GABRB3: variants seen among roughly 807,000 people sequenced by gnomAD.
The protein encoded by GABRB3 is gamma-aminobutyric acid receptor subunit beta-3.
GABRB3 carries 14 observed loss-of-function variants against 52.1 expected under a neutral mutation model. The observed-to-expected ratio is 0.27, with a 90% confidence interval of 0.18 to 0.42. The LOEUF (loss-of-function observed/expected upper bound fraction) is 0.42, where lower values mean the gene tolerates loss of function less well. GABRB3 is among the 10% of genes least tolerant of loss of function. The probability of loss-of-function intolerance (pLI) is 1.00; values close to 1 mark genes in which losing one functional copy is unlikely to be tolerated. For missense variants in GABRB3, 307 were observed against 609.1 expected (o/e 0.50, Z 5.22); for synonymous variants, 260 against 232.3 (o/e 1.12, Z -1.08).
rs529182611 is a variant in GABRB3, at chr15:26,669,037, G to A, written c.241-47503C>T. 6.6e-4 allele frequency among the ~76,000 whole-genome samples: 101 copies of A among 152,256 alleles called. 2 individuals carry two copies. The highest frequency in any genetic ancestry group is 6.0e-4 in the Non-Finnish European group (41 of 68,010). On this transcript the variant is annotated intron_variant, in intron 3 of 8. Coordinates refer to ENST00000311550, the MANE Select transcript of GABRB3 (RefSeq NM_000814.6). ...CCGTGATGGCAGCTGGAAAGTCCTG[G>A]TGTCAAACTATCTGATTCCCCAGAG...
upstream of GABRB3, chr15:26,773,645 C>G: frequency 6.4e-7 from 1 of 1,561,618 alleles, no homozygotes. Context: ...CCCGCCTCAC[C>G]TGCGGGGCTC....
chr15:26,642,452 T>C lies in GABRB3; in HGVS notation c.241-20918A>G, dbSNP rs1344078160. 2.4e-5 allele frequency: 31 copies of C among 1,287,282 alleles called. No homozygotes were observed. In the Admixed American group the frequency reaches 3.7e-4, roughly 15 times the overall value. The allele number at this position is 1,287,282 out of a possible 1,614,324, so 79.7% of individuals were successfully genotyped here. On this transcript the variant is annotated intron_variant, in intron 3 of 8. Coordinates refer to ENST00000311550, the MANE Select transcript of GABRB3 (RefSeq NM_000814.6). ...ACATACATTTTCAATTCCAAACTCC[T>C]GGAAAGGAAAAAATGAATCTATAAG... is the stretch of plus-strand genomic sequence containing the variant.
rs575867817 is a variant in GABRB3, at chr15:26,730,072, C to A, written c.240+42330G>T. Among the ~76,000 whole-genome samples, 82 of 152,208 alleles carry A rather than the reference C, an allele frequency of 5.4e-4. 1 individual carries two copies. The South Asian group carries it at 0.016, about 30-fold the overall frequency. ...CATCTCTATACTTACAGGAAGAACA[C>A]CAATATACACAAAAGAAATTTAGAA... On this transcript the variant is annotated intron_variant, in intron 3 of 8. Coordinates refer to ENST00000311550, the MANE Select transcript of GABRB3 (RefSeq NM_000814.6).
At chr15:26,610,780 G>T (rs1892040219) in intron 4 of GABRB3, among the ~76,000 whole-genome samples, 1 of 152,260 alleles carries the variant, frequency 6.6e-6, no homozygotes, top group East Asian at 1.9e-4. Flanking sequence ...AAATTCGTGG[G>T]TTTGTATTGC....
At chr15:26,697,804 A>T (rs1888790097) in intron 3 of GABRB3, among the ~76,000 whole-genome samples, 1 of 152,122 alleles carries the variant, frequency 6.6e-6, no homozygotes, top group African/African-American at 2.4e-5. Flanking sequence ...TTGGTCTTAA[A>T]TACAAGCTTC....
chr15:26,716,574 C>A, intron 3 of GABRB3: 1 of 992,420 alleles, frequency 1.0e-6, no homozygotes, highest in Non-Finnish European at 1.2e-6. Context: ...CAACTTCTCA[C>A]AGCCTGCCTC....
intron 4 of GABRB3, among the ~76,000 whole-genome samples, chr15:26,593,445 G>A (rs1891278225): frequency 6.6e-6 from 1 of 152,060 alleles, no homozygotes; most frequent in South Asian, 2.1e-4. Context: ...CAGAAACTCT[G>A]TACCTTTTAA....
intron 7 of GABRB3, among the ~76,000 whole-genome samples, chr15:26,562,449 T>A (rs1370732692): frequency 6.6e-6 from 1 of 152,114 alleles, no homozygotes; most frequent in East Asian, 1.9e-4. Context: ...TTAACCATAA[T>A]CCTTCATCCT....
intron 3 of GABRB3, among the ~76,000 whole-genome samples, chr15:26,740,710 T>C (rs1384341516): frequency 6.6e-6 from 1 of 152,182 alleles, no homozygotes; most frequent in Non-Finnish European, 1.5e-5. Flanking sequence ...GTGAAGCACA[T>C]TCACAGTATC....
intron 8 of GABRB3, among the ~76,000 whole-genome samples, chr15:26,554,183 T>A (rs1332460035): frequency 0.024 from 730 of 29,890 alleles, 48 homozygotes; most frequent in African/African-American, 0.1. Context: ...AAAGTATATA[T>A]ATATATACTA....
At chr15:26,575,666 T>C (rs926340404) in intron 6 of GABRB3, among the ~76,000 whole-genome samples, 8 of 152,202 alleles carry the variant, frequency 5.3e-5, no homozygotes, top group Admixed American at 5.2e-4. Flanking sequence ...GGTGGACTTT[T>C]AAAAAAATTT....
In GABRB3 at chr15:26,726,070, C is replaced by T. The variant is rs143001337; in HGVS notation, c.240+46332G>A. 7.6e-4 allele frequency among the ~76,000 whole-genome samples: 115 copies of T among 152,200 alleles called. 1 individual carries two copies. Among genetic ancestry groups the T allele is most frequent in the Non-Finnish European group, 5.6e-4 (38 of 68,020 alleles). ...GGGAAATCTGGGTGTGCTGGGCATGCGCACAAAAGACATATCACAGCTGGA... is the reference window on the plus strand; with the variant it reads ...GGGAAATCTGGGTGTGCTGGGCATGTGCACAAAAGACATATCACAGCTGGA... On this transcript the variant is annotated intron_variant, in intron 3 of 8. Transcript: ENST00000311550.
rs140517140 is a variant in GABRB3 at position 26,569,842 on chromosome 15, T to G, written c.683-2109A>C. The stretch of plus-strand genomic sequence containing the variant: ...TGCTAAATCCCTTGGGAAAACCTTG[T>G]CCTTTCAATTACTTTTTTAAAAATT... On this transcript the variant is annotated intron_variant, in intron 6 of 8. Coordinates refer to ENST00000311550, the MANE Select transcript of GABRB3 (RefSeq NM_000814.6). Among the ~76,000 whole-genome samples the G allele has an allele frequency of 2.9e-3, 441 of 152,370 alleles. 1 individual carries two copies. Among genetic ancestry groups the G allele is most frequent in the African/African-American group, 0.01 (418 of 41,584 alleles).
At chr15:26,772,511 G>A (rs1891178003) in intron 2 of GABRB3, 42 bp from the exon 3 acceptor site, 2 of 1,593,840 alleles carry the variant, frequency 1.3e-6, no homozygotes, top group Non-Finnish European at 1.7e-6. Context: ...CAGCTCCGGC[G>A]CGGGGCGCGG....
chr15:26,640,646 G>C (rs1271893426), intron 3 of GABRB3, among the ~76,000 whole-genome samples: 1 of 152,348 alleles, frequency 6.6e-6, no homozygotes, highest in Non-Finnish European at 1.5e-5. Flanking sequence ...TTCCATATGT[G>C]AGAGTTGCCT....
chr15:26,645,351 A>G (rs964587095), intron 3 of GABRB3, among the ~76,000 whole-genome samples: 3 of 152,208 alleles, frequency 2.0e-5, no homozygotes, highest in Admixed American at 1.3e-4. Flanking sequence ...AAAGATAGTG[A>G]CTTGTTAACA....
At chr15:26,769,945 G>A (rs960398734) in intron 3 of GABRB3, among the ~76,000 whole-genome samples, 1 of 149,178 alleles carries the variant, frequency 6.7e-6, no homozygotes, top group Non-Finnish European at 1.5e-5. Context: ...GACCAGTAAG[G>A]TGATTAATAA....
At chr15:26,574,311 G>A (rs752972375) in intron 6 of GABRB3, among the ~76,000 whole-genome samples, 125 of 152,226 alleles carry the variant, frequency 8.2e-4, no homozygotes, top group African/African-American at 2.6e-3. Context: ...TATACTTCCC[G>A]TAGGAATATT....
At chr15:26,587,670 C>T (rs2140749542) in intron 4 of GABRB3, among the ~76,000 whole-genome samples, 1 of 152,268 alleles carries the variant, frequency 6.6e-6, no homozygotes, top group Middle Eastern at 3.4e-3. Flanking sequence ...AGAAGGGTTA[C>T]AGAAGGGTTG....
Sources: gnomAD v4.1 joint callset for allele counts (sites outside exome capture counted in the v4.1 genomes callset) on GRCh38, gnomAD v4.1.1 for gene constraint, MANE v1.5 for transcripts, NCBI Gene and HGNC (gene_info 2026-07-23, HGNC 2026-07-21) for gene names.